MTREX: variants seen among roughly 807,000 people sequenced by gnomAD.
MTREX encodes exosome RNA helicase MTR4.
Under a neutral mutation model 135.4 loss-of-function variants are expected in MTREX, and 76 were observed. That is an observed-to-expected ratio of 0.56 (90% CI 0.47 to 0.68). The LOEUF (loss-of-function observed/expected upper bound fraction) is 0.68. MTREX is among the 30% of genes least tolerant of loss of function. MTREX has a pLI of 0.00. For missense variants in MTREX, 920 were observed against 1,262.1 expected, an observed-to-expected ratio of 0.73 and a Z score of 4.11; for synonymous variants, 404 against 401.6, an observed-to-expected ratio of 1.01 and a Z score of -0.07.
rs1450540139 is a variant in MTREX at position 55,422,986 on chromosome 5, A to G, written c.3076+4A>G. The G allele has an allele frequency of 1.9e-6, 3 of 1,606,152 alleles. No homozygotes were observed. The African/African-American group carries it at 4.0e-5, about 21-fold the overall frequency. On this transcript the variant is annotated splice_donor_region_variant and intron_variant, in intron 26 of 26. Transcript: ENST00000230640. Reference sequence around the variant, plus strand: ...CTGGAAAATAAATTTGCAGAAGGTCAGTATCAAATGGATAAGCTGTTTCTA... The same window carrying G: ...CTGGAAAATAAATTTGCAGAAGGTCGGTATCAAATGGATAAGCTGTTTCTA...
intron 22 of MTREX, among the ~76,000 whole-genome samples, chr5:55,410,082 A>T (rs958535500): frequency 6.6e-6 from 1 of 152,150 alleles, no homozygotes; most frequent in African/African-American, 2.4e-5. Context: ...AAATTAAAAC[A>T]TAAAAATAAA....
At chr5:55,368,213 G>T (rs1349077053) in intron 16 of MTREX, among the ~76,000 whole-genome samples, 4 of 152,130 alleles carry the variant, frequency 2.6e-5, no homozygotes, top group Non-Finnish European at 5.9e-5. Flanking sequence ...ACTTTGCGAG[G>T]CCCAGGGGGG....
At chr5:55,354,416 C>T (rs1467351793) in intron 14 of MTREX, among the ~76,000 whole-genome samples, 1 of 152,144 alleles carries the variant, frequency 6.6e-6, no homozygotes, top group African/African-American at 2.4e-5. Context: ...CATAGCCTGG[C>T]TTTGGGGAAA....
chr5:55,361,785 G>T (rs1475962207), intron 15 of MTREX, among the ~76,000 whole-genome samples: 2 of 149,898 alleles, frequency 1.3e-5, no homozygotes, highest in African/African-American at 4.9e-5. Context: ...TAGAGACAGG[G>T]TCTCCCTTTG....
intron 2 of MTREX, 45 bp from the exon 3 acceptor site, chr5:55,324,087 G>A (rs770422201): frequency 5.8e-6 from 8 of 1,381,034 alleles, no homozygotes; most frequent in Non-Finnish European, 8.1e-6. Context: ...TCAAATTATA[G>A]AAAAGTAATT....
At chr5:55,336,094 T>G (rs898810184) in intron 5 of MTREX, among the ~76,000 whole-genome samples, 5 of 152,310 alleles carry the variant, frequency 3.3e-5, no homozygotes, top group African/African-American at 1.2e-4. Context: ...TATACTGGTA[T>G]TTTATCCAGC....
intron 26 of MTREX, chr5:55,424,476 C>G (rs1394176262): frequency 2.5e-6 from 1 of 404,010 alleles, no homozygotes; most frequent in East Asian, 4.0e-5. Context: ...GTTCTAGACA[C>G]CTCTTTCCTG....
intron 19 of MTREX, among the ~76,000 whole-genome samples, 165 bp downstream of exon 19, chr5:55,388,267 A>G (rs147426320): frequency 0.021 from 3,263 of 152,314 alleles, 49 homozygotes; most frequent in Non-Finnish European, 0.034. Flanking sequence ...ACGTATCAGT[A>G]GGATAATTAA....
At chr5:55,345,035 A>G in intron 9 of MTREX, 59 bp from the exon 10 acceptor site, 1 of 1,019,340 alleles carries the variant, frequency 9.8e-7, no homozygotes. Flanking sequence ...ATGTATGAAA[A>G]ATGTTTGAAT....
chr5:55,364,991 C>T (rs1434976980), intron 15 of MTREX, among the ~76,000 whole-genome samples: 1 of 152,176 alleles, frequency 6.6e-6, no homozygotes, highest in Admixed American at 6.5e-5. Flanking sequence ...TTAGTCATTA[C>T]ACTGGTACAG....
chr5:55,343,307 A>G, intron 7 of MTREX, 24 bp from the exon 8 acceptor site: 1 of 1,590,990 alleles, frequency 6.3e-7, no homozygotes, highest in Non-Finnish European at 8.6e-7. Flanking sequence ...ACTATAGTCC[A>G]AAGTATATAT....
intron 22 of MTREX, 40 bp downstream of exon 22, chr5:55,405,628 T>C (rs1434154746): frequency 2.6e-6 from 4 of 1,521,176 alleles, no homozygotes; most frequent in African/African-American, 1.4e-5. Flanking sequence ...CATTTTTTTT[T>C]TCATTTTTAA....
intron 15 of MTREX, among the ~76,000 whole-genome samples, chr5:55,361,612 A>T (rs9292090): frequency 1.3e-5 from 2 of 151,244 alleles, no homozygotes; most frequent in African/African-American, 4.9e-5. Flanking sequence ...CTGCCGCCAC[A>T]CCCAGCTAAT....
At position 55,400,124 on chromosome 5, in the gene MTREX, A is replaced by C. The variant is rs183502653; in HGVS notation, c.2293-109A>C. The C allele has an allele frequency of 2.5e-5, 18 of 724,074 alleles. No individual in the cohort carries two copies. In the Admixed American group the frequency reaches 5.0e-4, roughly 20 times the overall value. 44.9% of individuals were successfully genotyped at this position (724,074 alleles called of 1,614,324 possible). Reference sequence around the variant, plus strand: ...TGGCAAAAGACAAAATTATATATGTAGTATACTTTTTATGTCCATGTGCAT... The same window carrying C: ...TGGCAAAAGACAAAATTATATATGTCGTATACTTTTTATGTCCATGTGCAT... On this transcript the variant is annotated intron_variant, in intron 20 of 26. Coordinates refer to ENST00000230640, the MANE Select transcript of MTREX (RefSeq NM_015360.5).
At chr5:55,352,568 T>A (rs1369912831) in intron 13 of MTREX, among the ~76,000 whole-genome samples, 1 of 152,226 alleles carries the variant, frequency 6.6e-6, no homozygotes, top group Non-Finnish European at 1.5e-5. Context: ...CTACCCCTAT[T>A]ATATAATTTC....
Position 55,425,319 on chromosome 5 carries a change from C to G in MTREX, c.*547C>G, listed in dbSNP as rs770035288. On this transcript the variant is annotated 3_prime_UTR_variant, in exon 27 of 27. Transcript: ENST00000230640. ...AAAGAAGTTCTTTCTTTGAAGAAAT[C>G]CGATACATATACAGCCTACAGTGCA... The G allele has an allele frequency of 6.2e-7, 1 of 1,604,026 alleles. No homozygotes were observed. Among genetic ancestry groups the G allele is most frequent in the South Asian group, 1.1e-5 (1 of 90,748 alleles).
chr5:55,338,174 G>A (rs1341665605), intron 5 of MTREX, among the ~76,000 whole-genome samples: 1 of 151,912 alleles, frequency 6.6e-6, no homozygotes, highest in East Asian at 1.9e-4. Context: ...TCTGTTTTAT[G>A]GTATTGCTTC....
chr5:55,377,222 G>A (rs1750318832), intron 16 of MTREX, among the ~76,000 whole-genome samples: 1 of 152,116 alleles, frequency 6.6e-6, no homozygotes, highest in East Asian at 1.9e-4. Context: ...AGCTACTCGG[G>A]AGGCTGAAGC....
intron 1 of MTREX, among the ~76,000 whole-genome samples, chr5:55,321,954 C>CA (rs1321893291): frequency 6.6e-6 from 1 of 152,042 alleles, no homozygotes; most frequent in Non-Finnish European, 1.5e-5. Context: ...AATCTAATCA[C>CA]AAAAAATTTT....
Sources: gnomAD v4.1 joint callset for allele counts (sites outside exome capture counted in the v4.1 genomes callset) on GRCh38, gnomAD v4.1.1 for gene constraint, MANE v1.5 for transcripts, NCBI Gene and HGNC (gene_info 2026-07-23, HGNC 2026-07-21) for gene names.